TBL1X: variants seen among roughly 807,000 people sequenced by gnomAD.
The protein encoded by TBL1X is F-box-like/WD repeat-containing protein TBL1X.
In TBL1X, 10 loss-of-function variants were observed where a neutral mutation model predicts 50.7. The ratio of observed to expected loss-of-function variants is 0.20; its 90% CI spans 0.12 to 0.33. TBL1X has a LOEUF of 0.33. TBL1X is among the 10% of genes least tolerant of loss of function. The pLI is 1.00. For missense variants in TBL1X, 340 were observed against 504.4 expected, an observed-to-expected ratio of 0.67 and a Z score of 3.12; for synonymous variants, 190 against 214.7, an observed-to-expected ratio of 0.88 and a Z score of 1.01.
intron 1 of TBL1X, among the ~76,000 whole-genome samples, chrX:9,481,383 A>G (rs1233323598): frequency 8.9e-6 from 1 of 112,361 alleles, no homozygotes; most frequent in African/African-American, 3.2e-5. Context: ...TAACAATTGG[A>G]TAAAGTATGC....
intron 2 of TBL1X, among the ~76,000 whole-genome samples, chrX:9,603,856 C>T (rs1408581268): frequency 1.8e-5 from 2 of 110,811 alleles, no homozygotes; most frequent in Non-Finnish European, 3.8e-5. Flanking sequence ...GTGTTGCTGG[C>T]GGTCCTTGGC....
intron 2 of TBL1X, chrX:9,534,781 C>G (rs1014037774): frequency 4.5e-5 from 5 of 111,108 alleles, no homozygotes; most frequent in African/African-American, 9.9e-5. Flanking sequence ...CCTCTTCCCC[C>G]CTCTCTGAGT....
intron 2 of TBL1X, among the ~76,000 whole-genome samples, chrX:9,608,847 G>A (rs1293812431): frequency 1.8e-5 from 2 of 112,110 alleles, no homozygotes; most frequent in Non-Finnish European, 3.8e-5. Context: ...AGATCCCAGG[G>A]GAAGCTCAGG....
intron 2 of TBL1X, among the ~76,000 whole-genome samples, chrX:9,597,859 TAGTC>T: frequency 8.9e-6 from 1 of 111,767 alleles, no homozygotes; most frequent in East Asian, 2.8e-4. Context: ...TTTCAGACGT[TAGTC>T]AGTGTCCCGG....
chrX:9,555,659 C>T (rs749222537), intron 2 of TBL1X, among the ~76,000 whole-genome samples: 1 of 111,672 alleles, frequency 9.0e-6, no homozygotes, highest in African/African-American at 3.3e-5. Context: ...CACATTCCCA[C>T]CCAAATGTAT....
intron 6 of TBL1X, among the ~76,000 whole-genome samples, chrX:9,684,972 G>T (rs755559384): frequency 8.9e-6 from 1 of 112,649 alleles, no homozygotes; most frequent in African/African-American, 3.2e-5. Flanking sequence ...GCTGCGTCAG[G>T]GCAGAGAGGT....
chrX:9,517,624 G>A (rs917515602), intron 2 of TBL1X, among the ~76,000 whole-genome samples: 1 of 111,832 alleles, frequency 8.9e-6, no homozygotes, highest in African/African-American at 3.3e-5. Flanking sequence ...GGTGGCAGGT[G>A]GGCCAGTGGG....
chrX:9,689,041 C>T (rs930103086), intron 7 of TBL1X, among the ~76,000 whole-genome samples: 3 of 113,251 alleles, frequency 2.6e-5, no homozygotes, highest in South Asian at 3.5e-4. Flanking sequence ...TGTGCGTGCA[C>T]GCGTATATGC....
At chrX:9,582,414 G>A (rs969145300) in intron 2 of TBL1X, among the ~76,000 whole-genome samples, 1 of 112,060 alleles carries the variant, frequency 8.9e-6, no homozygotes, top group Non-Finnish European at 1.9e-5. Context: ...TTCTATTCAC[G>A]TGCTCCTGGT....
In TBL1X at chrX:9,703,244, AAG is replaced by A. The variant is rs2083185829; in HGVS notation, c.1115-1745_1115-1744del. Among the ~76,000 whole-genome samples the A allele has an allele frequency of 3.1e-5, 3 of 97,245 alleles. 1 individual carries two copies. Among genetic ancestry groups the A allele is most frequent in the African/African-American group, 1.1e-4 (3 of 28,552 alleles). The allele number at this position is 97,245 out of a possible 115,157, so 84.4% of individuals were successfully genotyped here. A position where few individuals can be genotyped will look rare whatever the true frequency, so the allele number is the denominator to read the frequency against. ...AAGAGATCACCAGAGAAGGGAAGGG[AAG>A]AGATCACCAGAGAAGGGAAGGGAAG... On this transcript the variant is annotated intron_variant, in intron 12 of 17. Transcript: ENST00000645353.
intron 2 of TBL1X, among the ~76,000 whole-genome samples, chrX:9,604,908 C>T (rs1020395635): frequency 4.5e-5 from 5 of 110,981 alleles, no homozygotes; most frequent in African/African-American, 1.6e-4. Flanking sequence ...GAGGTTTTCT[C>T]GGGAAGAAAT....
chrX:9,504,390 TCTC>T (rs1408135887), intron 2 of TBL1X, among the ~76,000 whole-genome samples: 1 of 111,764 alleles, frequency 8.9e-6, no homozygotes, highest in African/African-American at 3.3e-5. Context: ...GAGTACCTCT[TCTC>T]CTCCAAATGA....
intron 2 of TBL1X, among the ~76,000 whole-genome samples, chrX:9,578,239 T>G (rs918795722): frequency 9.0e-6 from 1 of 111,689 alleles, no homozygotes; most frequent in Non-Finnish European, 1.9e-5. Flanking sequence ...TTCTTAACTT[T>G]TTTTTTCCTT....
At chrX:9,595,941 G>A (rs182352066) in intron 2 of TBL1X, among the ~76,000 whole-genome samples, 1 of 112,393 alleles carries the variant, frequency 8.9e-6, no homozygotes, top group African/African-American at 3.2e-5. Flanking sequence ...TTGTTTTCAT[G>A]TTTAAATTGT....
intron 2 of TBL1X, among the ~76,000 whole-genome samples, chrX:9,603,553 GC>G (rs1246144165): frequency 1.6e-4 from 18 of 111,981 alleles, no homozygotes; most frequent in African/African-American, 5.8e-4. Context: ...CCCGGGCTGA[GC>G]TTGGTAACCA....
intron 1 of TBL1X, among the ~76,000 whole-genome samples, chrX:9,492,280 C>G (rs369933795): frequency 9.0e-6 from 1 of 111,030 alleles, no homozygotes; most frequent in South Asian, 3.8e-4. Context: ...TAACTTGCCT[C>G]TCATCCCCTT....
At chrX:9,544,584 CAG>C (rs2082231977) in intron 2 of TBL1X, among the ~76,000 whole-genome samples, 1 of 111,209 alleles carries the variant, frequency 9.0e-6, no homozygotes. Flanking sequence ...GTTTTTGAGA[CAG>C]AGTTTCACTC....
chrX:9,647,934 A>G (rs1047019033), intron 3 of TBL1X, among the ~76,000 whole-genome samples: 1 of 111,619 alleles, frequency 9.0e-6, no homozygotes, highest in African/African-American at 3.3e-5. Flanking sequence ...CACATACTGG[A>G]TATTTTCTGT....
intron 1 of TBL1X, among the ~76,000 whole-genome samples, chrX:9,474,956 C>T (rs1405461491): frequency 8.9e-6 from 1 of 112,183 alleles, no homozygotes; most frequent in Non-Finnish European, 1.9e-5. Context: ...TCACTGCAAC[C>T]TCCGCCTCCT....
Sources: allele counts gnomAD v4.1 joint callset (sites outside exome capture counted in the v4.1 genomes callset), GRCh38; gene constraint gnomAD v4.1.1; transcripts MANE v1.5; gene names NCBI Gene and HGNC (gene_info 2026-07-23, HGNC 2026-07-21).